BBX: variants seen among roughly 807,000 people sequenced by gnomAD.
The protein encoded by BBX is HMG box transcription factor BBX.
Under a neutral mutation model 100.2 loss-of-function variants are expected in BBX, and 30 were observed. The ratio of observed to expected loss-of-function variants is 0.30; its 90% confidence interval spans 0.22 to 0.41. The LOEUF is 0.41. BBX is among the 10% of genes least tolerant of loss of function. The pLI, the probability that BBX is intolerant of heterozygous loss-of-function variation, is 1.00. For missense variants in BBX, 1,023 were observed against 1,129.8 expected (o/e 0.91, Z 1.35); for synonymous variants, 376 against 388.1 (o/e 0.97, Z 0.37).
intron 3 of BBX, among the ~76,000 whole-genome samples, chr3:107,679,360 C>G (rs1175067898): frequency 6.6e-6 from 1 of 152,004 alleles, no homozygotes. Context: ...ATGCATATTA[C>G]CCAAAATTCA....
chr3:107,770,633 A>G (rs1037183808), intron 10 of BBX, among the ~76,000 whole-genome samples: 2 of 152,198 alleles, frequency 1.3e-5, no homozygotes, highest in South Asian at 4.1e-4. Flanking sequence ...CATAGTCTTC[A>G]TAGCCACTTG....
chr3:107,797,461 C>G (rs1368976558), intron 15 of BBX, among the ~76,000 whole-genome samples: 1 of 149,860 alleles, frequency 6.7e-6, no homozygotes, highest in Non-Finnish European at 1.5e-5. Flanking sequence ...CCCACATTCT[C>G]CTTTTCTTTG....
At chr3:107,623,947 A>G (rs2055972629) in intron 2 of BBX, among the ~76,000 whole-genome samples, 2 of 152,356 alleles carry the variant, frequency 1.3e-5, no homozygotes, top group South Asian at 4.1e-4. Flanking sequence ...TAGAAGTGTT[A>G]GAATTGACTT....
intron 10 of BBX, among the ~76,000 whole-genome samples, chr3:107,771,187 A>G (rs2066882527): frequency 6.6e-6 from 1 of 152,124 alleles, no homozygotes; most frequent in Non-Finnish European, 1.5e-5. Context: ...ACCTGACCTT[A>G]TTGATTTTTG....
chr3:107,675,856 G>C (rs540548921), intron 3 of BBX, among the ~76,000 whole-genome samples: 47 of 152,200 alleles, frequency 3.1e-4, no homozygotes, highest in African/African-American at 1.1e-3. Context: ...CCAGGGGCTG[G>C]ATTTGCAGTC....
At chr3:107,540,058 T>C (rs2048760432) in intron 2 of BBX, among the ~76,000 whole-genome samples, 1 of 152,222 alleles carries the variant, frequency 6.6e-6, no homozygotes, top group Non-Finnish European at 1.5e-5. Flanking sequence ...TTCACTGTTT[T>C]ATCTCCTATG....
At chr3:107,573,330 C>T (rs940877417) in intron 2 of BBX, among the ~76,000 whole-genome samples, 8 of 152,056 alleles carry the variant, frequency 5.3e-5, no homozygotes, top group East Asian at 1.9e-4. Flanking sequence ...GAGGCCGATG[C>T]GGGTGGATCA....
intron 2 of BBX, among the ~76,000 whole-genome samples, chr3:107,552,981 C>T (rs529425343): frequency 2.8e-4 from 42 of 152,256 alleles, no homozygotes; most frequent in African/African-American, 7.5e-4. Context: ...AAATGCTATA[C>T]GTCTTTTGAC....
intron 2 of BBX, among the ~76,000 whole-genome samples, chr3:107,537,497 A>G (rs950710235): frequency 1.1e-4 from 16 of 152,212 alleles, no homozygotes; most frequent in African/African-American, 3.9e-4. Context: ...GAAAAGGGGA[A>G]AATGTGTTTT....
intron 2 of BBX, among the ~76,000 whole-genome samples, chr3:107,575,031 G>C (rs78591611): frequency 6.6e-6 from 1 of 152,124 alleles, no homozygotes; most frequent in African/African-American, 2.4e-5. Flanking sequence ...CCCACAAAAA[G>C]GTGGCAATTA....
chr3:107,663,943 C>T (rs1448653965), intron 3 of BBX, among the ~76,000 whole-genome samples: 2 of 151,758 alleles, frequency 1.3e-5, no homozygotes, highest in African/African-American at 4.8e-5. Context: ...GTAGTTGGGA[C>T]TACAGGCACC....
At position 107,744,644 on chromosome 3, in the gene BBX, A is replaced by T; in HGVS notation, c.684A>T (p.Thr228=). Residue 228 remains threonine, a synonymous_variant, in exon 8 of 18, where the codon ACA becomes ACT. Transcript: ENST00000325805. ...ALGTPEVSSG[T]CRPDVSESPE... is the part of the protein sequence containing the mutation. The stretch of plus-strand genomic sequence containing the variant: ...CTTTGTTTCAGGTATCCTCTGGCAC[A>T]TGCAGGCCTGATGTTTCAGAATCTC... 7 of 1,613,242 alleles carry T rather than the reference A, an allele frequency of 4.3e-6. No homozygotes were observed. The highest frequency in any genetic ancestry group is 5.9e-6 in the Non-Finnish European group (7 of 1,179,322).
chr3:107,605,665 A>G (rs2054380557), intron 2 of BBX, among the ~76,000 whole-genome samples: 1 of 152,194 alleles, frequency 6.6e-6, no homozygotes, highest in Admixed American at 6.5e-5. Context: ...TTTGTTCTTA[A>G]TAAATCACAG....
At chr3:107,714,791 G>A (rs773123323) in intron 4 of BBX, among the ~76,000 whole-genome samples, 1 of 151,820 alleles carries the variant, frequency 6.6e-6, no homozygotes, top group African/African-American at 2.4e-5. Context: ...AACGGCAAAA[G>A]ACTTTTTTTT....
At chr3:107,755,715 G>A (rs2065421309) in intron 10 of BBX, 37 bp downstream of exon 10, 2 of 1,540,622 alleles carry the variant, frequency 1.3e-6, no homozygotes, top group Non-Finnish European at 1.8e-6. Context: ...AAGATCTGCA[G>A]AGGTGGAAAT....
intron 2 of BBX, among the ~76,000 whole-genome samples, chr3:107,620,110 A>G (rs1005290007): frequency 6.6e-6 from 1 of 150,448 alleles, no homozygotes; most frequent in African/African-American, 2.4e-5. Flanking sequence ...CAGATTGGGT[A>G]ATTTCTTTTG....
At chr3:107,643,066 T>G (rs1279406339) in intron 2 of BBX, among the ~76,000 whole-genome samples, 1 of 152,202 alleles carries the variant, frequency 6.6e-6, no homozygotes, top group African/African-American at 2.4e-5. Context: ...AACACAGTTT[T>G]GGCATACTAG....
intron 8 of BBX, among the ~76,000 whole-genome samples, chr3:107,744,918 C>T (rs1278807954): frequency 6.6e-6 from 1 of 152,132 alleles, no homozygotes; most frequent in African/African-American, 2.4e-5. Context: ...AGAAGCTTAT[C>T]ATTAAAGTCA....
At chr3:107,690,892 C>CTTTTTTTTTT (rs66523709) in intron 3 of BBX, among the ~76,000 whole-genome samples, 4 of 41,190 alleles carry the variant, frequency 9.7e-5, no homozygotes, top group East Asian at 9.6e-4. Context: ...GCCCCCCCCC[C>CTTTTTTTTTT]TTTTTTTTTT....
Sources: allele counts gnomAD v4.1 joint callset (sites outside exome capture counted in the v4.1 genomes callset), GRCh38; gene constraint gnomAD v4.1.1; transcripts MANE v1.5; gene names NCBI Gene and HGNC (gene_info 2026-07-23, HGNC 2026-07-21).